CUL1: variants seen among roughly 807,000 people sequenced by gnomAD.
CUL1 encodes cullin 1, also known as cullin-1.
A neutral mutation model predicts 118.0 loss-of-function variants in CUL1; 24 were observed. That is an observed-to-expected ratio of 0.20 (90% CI 0.15 to 0.29). The LOEUF (loss-of-function observed/expected upper bound fraction) is 0.29. Among genes scored for constraint, CUL1 ranks in the 10% least tolerant of loss-of-function variants. CUL1 has a pLI of 1.00. For synonymous variants in CUL1, 332 were observed against 340.4 expected, an observed-to-expected ratio of 0.98 and a Z score of 0.27; for missense variants, 361 against 933.8, an observed-to-expected ratio of 0.39 and a Z score of 7.99.
intron 2 of CUL1, among the ~76,000 whole-genome samples, chr7:148,737,069 C>G (rs1274226405): frequency 6.6e-6 from 1 of 152,162 alleles, no homozygotes; most frequent in African/African-American, 2.4e-5. Context: ...TTGCAAAGTT[C>G]TTGCTATCTT....
intron 9 of CUL1, among the ~76,000 whole-genome samples, chr7:148,768,467 C>T (rs1800083743): frequency 1.3e-5 from 2 of 149,706 alleles, no homozygotes; most frequent in African/African-American, 4.9e-5. Context: ...TCACTGCAAC[C>T]TCCGCTTCCT....
intron 12 of CUL1, 145 bp from the exon 13 acceptor site, chr7:148,786,843 AT>A: frequency 1.9e-6 from 2 of 1,079,440 alleles, no homozygotes; most frequent in Admixed American, 2.3e-5. Context: ...TGGAGTGGAG[AT>A]TTTGCCATCA....
chr7:148,700,342 G>A (rs1216852509), intron 1 of CUL1, among the ~76,000 whole-genome samples: 1 of 152,166 alleles, frequency 6.6e-6, no homozygotes, highest in East Asian at 1.9e-4. Context: ...ATAGCTTAAC[G>A]CCTCGCAGAA....
In CUL1 at chr7:148,742,598, G is replaced by GTTTTTTTTTTTTTTTTTTT. The variant is rs59592789; in HGVS notation, c.141-11360_141-11359insTTTTTTTTTTTTTTTTTTT. On this transcript the variant is annotated intron_variant, in intron 2 of 21. Coordinates refer to ENST00000325222, the MANE Select transcript of CUL1 (RefSeq NM_003592.3). ...TTCTTAAATCTTTCTACCTTTTCTGGTTTTTTTTTTTTTTTTTTGAGTTGG... is the reference window on the plus strand; with the variant it reads ...TTCTTAAATCTTTCTACCTTTTCTGGTTTTTTTTTTTTTTTTTTTTTTTTTTTTTTTTTTTTTGAGTTGG... Among the ~76,000 whole-genome samples, 24 of 112,170 alleles carry GTTTTTTTTTTTTTTTTTTT rather than the reference G, an allele frequency of 2.1e-4. 1 individual carries two copies. Among genetic ancestry groups the GTTTTTTTTTTTTTTTTTTT allele is most frequent in the East Asian group, 7.8e-4 (3 of 3,834 alleles). The allele number at this position is 112,170 out of a possible 152,430, so 73.6% of individuals were successfully genotyped here.
At chr7:148,720,974 T>G (rs1798378540) in intron 1 of CUL1, among the ~76,000 whole-genome samples, 1 of 152,256 alleles carries the variant, frequency 6.6e-6, no homozygotes, top group African/African-American at 2.4e-5. Context: ...TAATATTGGC[T>G]GTACACTTAA....
At chr7:148,738,284 A>G (rs1157827050) in intron 2 of CUL1, among the ~76,000 whole-genome samples, 1 of 152,210 alleles carries the variant, frequency 6.6e-6, no homozygotes, top group Non-Finnish European at 1.5e-5. Flanking sequence ...AGTCACACAC[A>G]TGGTACCTGG....
intron 17 of CUL1, 44 bp downstream of exon 17, chr7:148,792,862 CTTG>C: frequency 4.3e-6 from 6 of 1,403,306 alleles, no homozygotes; most frequent in Non-Finnish European, 6.0e-6. Context: ...TTGCCGTTTC[CTTG>C]TTCTCGTGGA....
rs542500300 is a variant in CUL1, at chr7:148,763,504, A to G, written c.789+3008A>G. ...TTTTTAAATCCCCACCCCACCATTT[A>G]TTAGGGGGATGACCTTAATGCTTCT... On this transcript the variant is annotated intron_variant, in intron 7 of 21. Coordinates refer to ENST00000325222, the MANE Select transcript of CUL1 (RefSeq NM_003592.3). 5.9e-5 allele frequency among the ~76,000 whole-genome samples: 9 copies of G among 152,310 alleles called. No individual in the cohort carries two copies. The South Asian group carries it at 1.7e-3, about 28-fold the overall frequency.
At chr7:148,712,118 A>G (rs915054625) in intron 1 of CUL1, among the ~76,000 whole-genome samples, 1 of 152,226 alleles carries the variant, frequency 6.6e-6, no homozygotes, top group Non-Finnish European at 1.5e-5. Context: ...TTCTGAAAAT[A>G]CAGTGGTGCC....
At chr7:148,751,841 G>A (rs968724535) in intron 2 of CUL1, among the ~76,000 whole-genome samples, 8 of 152,132 alleles carry the variant, frequency 5.3e-5, no homozygotes, top group East Asian at 1.9e-4. Flanking sequence ...ATGGCCAGAC[G>A]CGGTGGCTCA....
chr7:148,778,070 CAAAAAAAAAAAAA>C (rs1203417069), intron 9 of CUL1, among the ~76,000 whole-genome samples: 2 of 13,792 alleles, frequency 1.5e-4, no homozygotes, highest in African/African-American at 4.5e-4. Flanking sequence ...GACCCTGTCT[CAAAAAAAAAAAAA>C]AAAAAAAAAA....
chr7:148,788,813 A>G (rs117976131), intron 14 of CUL1, 139 bp downstream of exon 14: 15,097 of 667,860 alleles, frequency 0.023, 256 homozygotes, highest in Middle Eastern at 0.056. Flanking sequence ...TTCCTCCCAA[A>G]TGCCCAGCCC....
At position 148,799,239 on chromosome 7, in the gene CUL1, C is replaced by T. The variant is rs756375560; in HGVS notation, c.2137-36C>T. On this transcript the variant is annotated intron_variant, in intron 20 of 21. Transcript: ENST00000325222. ...CTATCAATACAACGTTGTTACAGCT[C>T]TAAATGCACTTCTTTTTCCTTATCT... 9.2e-6 allele frequency: 14 copies of T among 1,519,710 alleles called. No individual in the cohort carries two copies. The Admixed American group carries it at 2.2e-4, about 24-fold the overall frequency. 94.1% of individuals were successfully genotyped at this position (1,519,710 alleles called of 1,614,324 possible).
At chr7:148,768,574 A>G (rs1045339857) in intron 9 of CUL1, among the ~76,000 whole-genome samples, 1 of 151,762 alleles carries the variant, frequency 6.6e-6, no homozygotes, top group Non-Finnish European at 1.5e-5. Flanking sequence ...TAGTAGAGAC[A>G]GGGTTTCGCT....
intron 4 of CUL1, among the ~76,000 whole-genome samples, chr7:148,758,520 G>C (rs372930498): frequency 6.6e-6 from 1 of 152,176 alleles, no homozygotes; most frequent in Non-Finnish European, 1.5e-5. Context: ...ATGAGGCTGA[G>C]GTGGAAGCAT....
intron 15 of CUL1, 42 bp downstream of exon 15, chr7:148,789,868 A>G: frequency 6.4e-7 from 1 of 1,561,720 alleles, no homozygotes; most frequent in Non-Finnish European, 8.8e-7. Context: ...TGCTAAGTGG[A>G]GGGTGGGGCA....
intron 1 of CUL1, among the ~76,000 whole-genome samples, chr7:148,713,385 C>A (rs943612749): frequency 2.0e-5 from 3 of 152,116 alleles, no homozygotes; most frequent in Non-Finnish European, 4.4e-5. Flanking sequence ...TCAGGTTTTC[C>A]GGAGCAATTT....
chr7:148,718,096 A>G (rs1302385629), intron 1 of CUL1, among the ~76,000 whole-genome samples: 1 of 152,230 alleles, frequency 6.6e-6, no homozygotes, highest in African/African-American at 2.4e-5. Context: ...ACCAAGACCC[A>G]TATGTACACA....
intron 1 of CUL1, among the ~76,000 whole-genome samples, chr7:148,716,588 C>T (rs1007821048): frequency 1.3e-5 from 2 of 152,142 alleles, no homozygotes; most frequent in African/African-American, 2.4e-5. Context: ...CATGGGTAAC[C>T]AATTTTATTA....
Sources: allele counts gnomAD v4.1 joint callset (sites outside exome capture counted in the v4.1 genomes callset), GRCh38; gene constraint gnomAD v4.1.1; transcripts MANE v1.5; gene names NCBI Gene and HGNC (gene_info 2026-07-23, HGNC 2026-07-21).